Variants in ABHD17B observed in about 807,000 individuals in gnomAD.
ABHD17B encodes abhydrolase domain containing 17B, depalmitoylase.
In ABHD17B, 9 loss-of-function variants were observed where a neutral mutation model predicts 26.2. That is an observed-to-expected ratio of 0.34 (90% CI 0.21 to 0.60). The LOEUF (loss-of-function observed/expected upper bound fraction) is 0.60. Among genes scored for constraint, ABHD17B ranks in the 20% least tolerant of loss-of-function variants. ABHD17B has a pLI of 0.80. For synonymous variants in ABHD17B, 127 were observed against 122.3 expected (o/e 1.04, Z -0.25); for missense variants, 224 against 352.1 (o/e 0.64, Z 2.91).
chr9:71,876,213 G>A (rs1015968186), intron 1 of ABHD17B, among the ~76,000 whole-genome samples: 2 of 152,146 alleles, frequency 1.3e-5, no homozygotes, highest in African/African-American at 4.8e-5. Context: ...AGAGTACAAG[G>A]TTTAAAGTTA....
chr9:71,898,479 A>G (rs956874752), intron 1 of ABHD17B, among the ~76,000 whole-genome samples: 9 of 151,806 alleles, frequency 5.9e-5, no homozygotes, highest in Admixed American at 5.9e-4. Context: ...TAAAAAAAAA[A>G]AAAAAAAAAA....
In ABHD17B at chr9:71,868,507, A is replaced by G. The variant is rs76842691; in HGVS notation, c.648-1501T>C. ...TTAAGAATCTTTAGAGAAAGGTATT[A>G]TAATAAACATAAAATGAAAATGGAA... On this transcript the variant is annotated intron_variant, in intron 3 of 3. Transcript: ENST00000333421. 9.7e-3 allele frequency among the ~76,000 whole-genome samples: 1,477 copies of G among 152,336 alleles called. 27 individuals are homozygous for G. The highest frequency in any genetic ancestry group is 0.033 in the African/African-American group (1,381 of 41,560).
At chr9:71,864,503 G>C (rs1825903563), downstream of ABHD17B, among the ~76,000 whole-genome samples, 1 of 152,078 alleles carries the variant, frequency 6.6e-6, no homozygotes, top group Non-Finnish European at 1.5e-5. Flanking sequence ...ACAGACATGA[G>C]CCACCGCCCC....
Position 71,910,411 on chromosome 9 carries a change from C to T in ABHD17B, c.-4+223G>A, listed in dbSNP as rs915661661. Among the ~76,000 whole-genome samples, 5 of 152,306 alleles carry T rather than the reference C, an allele frequency of 3.3e-5. No individual in the cohort carries two copies. The East Asian group carries it at 5.8e-4, about 18-fold the overall frequency. Reference sequence around the variant, plus strand: ...GGGACTGTCCTACCGCTCCCCTTCACGCAACCATCAGAGAATCCTCTCAAA... The same window carrying T: ...GGGACTGTCCTACCGCTCCCCTTCATGCAACCATCAGAGAATCCTCTCAAA... On this transcript the variant is annotated intron_variant, in intron 1 of 3. Coordinates refer to ENST00000333421, the MANE Select transcript of ABHD17B (RefSeq NM_001025780.3).
intron 3 of ABHD17B, among the ~76,000 whole-genome samples, chr9:71,867,949 G>A (rs969725390): frequency 1.3e-5 from 2 of 151,616 alleles, no homozygotes; most frequent in South Asian, 4.1e-4. Context: ...GCTCATGCCT[G>A]TAATCTCGGC....
intron 1 of ABHD17B, among the ~76,000 whole-genome samples, chr9:71,882,032 A>C (rs1826459939): frequency 6.6e-6 from 1 of 152,252 alleles, no homozygotes; most frequent in South Asian, 2.1e-4. Flanking sequence ...ATCAGTCATC[A>C]AGGAAATGGA....
In ABHD17B at chr9:71,888,217, A is replaced by G. The variant is rs144903003; in HGVS notation, c.-3-13134T>C. Among the ~76,000 whole-genome samples the G allele has an allele frequency of 3.7e-3, 560 of 152,336 alleles. 3 individuals are homozygous for G. The highest frequency in any genetic ancestry group is 0.014 in the Middle Eastern group (4 of 294). The stretch of plus-strand genomic sequence containing the variant: ...GCATATGCTAGTATCACATATTCCT[A>G]TAAAACTTTTGGTGACTGGAAAGTA... On this transcript the variant is annotated intron_variant, in intron 1 of 3. Coordinates refer to ENST00000333421, the MANE Select transcript of ABHD17B (RefSeq NM_001025780.3).
intron 2 of ABHD17B, among the ~76,000 whole-genome samples, chr9:71,874,218 G>A (rs1201761557): frequency 1.3e-5 from 2 of 149,652 alleles, no homozygotes; most frequent in South Asian, 2.1e-4. Context: ...GAGGTCTGAC[G>A]CTGTCACTCA....
intron 1 of ABHD17B, among the ~76,000 whole-genome samples, chr9:71,901,227 G>GT (rs928258539): frequency 2.1e-4 from 32 of 151,494 alleles, no homozygotes; most frequent in South Asian, 6.3e-4. Flanking sequence ...TACCTGAGTT[G>GT]TTTTTTTTGT....
At chr9:71,875,202 G>A (rs2132139960) in intron 1 of ABHD17B, 119 bp from the exon 2 acceptor site, 2 of 785,642 alleles carry the variant, frequency 2.5e-6, no homozygotes, top group East Asian at 2.7e-5. Flanking sequence ...TACTATTTTA[G>A]GTATGATTCC....
chr9:71,867,442 A>C (rs2132120711), intron 3 of ABHD17B, among the ~76,000 whole-genome samples: 1 of 152,354 alleles, frequency 6.6e-6, no homozygotes, highest in Non-Finnish European at 1.5e-5. Context: ...TTCTTGTTTG[A>C]GGATAAAGAT....
chr9:71,873,678 G>A (rs1415450296), intron 2 of ABHD17B, among the ~76,000 whole-genome samples: 1 of 151,946 alleles, frequency 6.6e-6, no homozygotes, highest in Non-Finnish European at 1.5e-5. Flanking sequence ...TTACAGGCAT[G>A]AGCCACTGCG....
intron 1 of ABHD17B, among the ~76,000 whole-genome samples, chr9:71,887,837 G>C (rs1432533420): frequency 6.6e-6 from 1 of 152,150 alleles, no homozygotes; most frequent in Admixed American, 6.5e-5. Flanking sequence ...GCCTACACAA[G>C]ACTATTCTGG....
At chr9:71,903,934 T>A (rs1486159484) in intron 1 of ABHD17B, among the ~76,000 whole-genome samples, 1 of 152,182 alleles carries the variant, frequency 6.6e-6, no homozygotes, top group East Asian at 1.9e-4. Flanking sequence ...AATCAAGAAT[T>A]CAGGTTAAGT....
At chr9:71,893,286 G>A (rs1826849135) in intron 1 of ABHD17B, among the ~76,000 whole-genome samples, 1 of 152,174 alleles carries the variant, frequency 6.6e-6, no homozygotes, top group African/African-American at 2.4e-5. Context: ...CCTGGAGACA[G>A]TGTCACATCC....
At position 71,866,693 on chromosome 9, in the gene ABHD17B, T is replaced by A; in HGVS notation, c.*94A>T. The A allele has an allele frequency of 6.6e-7, 1 of 1,521,274 alleles. No individual in the cohort carries two copies. Among genetic ancestry groups the A allele is most frequent in the East Asian group, 2.4e-5 (1 of 41,410 alleles). The allele number at this position is 1,521,274 out of a possible 1,614,324, so 94.2% of individuals were successfully genotyped here. A position where few individuals can be genotyped will look rare whatever the true frequency, so the allele number is the denominator to read the frequency against. On this transcript the variant is annotated 3_prime_UTR_variant, in exon 4 of 4. Coordinates refer to ENST00000333421, the MANE Select transcript of ABHD17B (RefSeq NM_001025780.3). The stretch of plus-strand genomic sequence containing the variant: ...TGTACATTTATGAAGGCAACTGACA[T>A]GATTTGCAAACAAAACCTTCAGGTT...
chr9:71,881,275 CAT>C (rs1826433931), intron 1 of ABHD17B, among the ~76,000 whole-genome samples: 1 of 152,120 alleles, frequency 6.6e-6, no homozygotes, highest in Non-Finnish European at 1.5e-5. Context: ...GCTAGGGCAA[CAT>C]AATATCCACA....
chr9:71,906,819 CAA>C (rs71353541), intron 1 of ABHD17B, among the ~76,000 whole-genome samples: 2 of 148,162 alleles, frequency 1.3e-5, no homozygotes, highest in African/African-American at 4.9e-5. Context: ...AACAAACAAA[CAA>C]AAAAAAAAAC....
rs571842565 is a variant in ABHD17B at position 71,910,919 on chromosome 9, G to A, written c.-289C>T. The A allele has an allele frequency of 4.6e-5, 7 of 152,486 alleles. No individual in the cohort carries two copies. Among genetic ancestry groups the A allele is most frequent in the African/African-American group, 1.7e-4 (7 of 41,570 alleles). The allele number at this position is 152,486 out of a possible 1,614,324, so 9.4% of individuals were successfully genotyped here. A position where few individuals can be genotyped will look rare whatever the true frequency, so the allele number is the denominator to read the frequency against. On this transcript the variant is annotated 5_prime_UTR_variant, in exon 1 of 4. Coordinates refer to ENST00000333421, the MANE Select transcript of ABHD17B (RefSeq NM_001025780.3). The stretch of plus-strand genomic sequence containing the variant: ...CGCGTTCTGCTGACTAACGGCCCCG[G>A]TGCGGGGCGCTGGAGCGGCCGCCGC...
Sources: allele counts gnomAD v4.1 joint callset (sites outside exome capture counted in the v4.1 genomes callset), GRCh38; gene constraint gnomAD v4.1.1; transcripts MANE v1.5; gene names NCBI Gene and HGNC (gene_info 2026-07-23, HGNC 2026-07-21).